PSMC3: variants seen among roughly 807,000 people sequenced by gnomAD.
The protein encoded by PSMC3 is 26S proteasome regulatory subunit 6A.
PSMC3 carries 11 observed loss-of-function variants against 52.0 expected under a neutral mutation model. The ratio of observed to expected loss-of-function variants is 0.21; its 90% CI spans 0.13 to 0.35. PSMC3 has a LOEUF of 0.35. Ranked by LOEUF, PSMC3 falls within the 10% of genes least tolerant of loss-of-function variation. PSMC3 has a pLI of 1.00. For missense variants in PSMC3, 238 were observed against 567.1 expected, an observed-to-expected ratio of 0.42 and a Z score of 5.89; for synonymous variants, 201 against 218.8, an observed-to-expected ratio of 0.92 and a Z score of 0.72.
rs187473185 is a variant in PSMC3, at chr11:47,422,396, G to A, written c.884+178C>T. ...GCAGCTGTGGGAATGAATGGCTGGG[G>A]AAACAGGGAGGCTATTGATCAGGAG... On this transcript the variant is annotated intron_variant, in intron 8 of 11. Coordinates refer to ENST00000298852, the MANE Select transcript of PSMC3 (RefSeq NM_002804.5). This position sits in a 1 kb window ranked among gnomAD's most constrained non-coding sequence, Gnocchi z 4.3. Among the ~76,000 whole-genome samples, 1 of 152,166 alleles carries A rather than the reference G, an allele frequency of 6.6e-6. No individual in the cohort carries two copies. The highest frequency in any genetic ancestry group is 2.4e-5 in the African/African-American group (1 of 41,422).
rs562940986 is a variant in PSMC3 at position 47,425,441 on chromosome 11, C to T, written c.160-195G>A. 3.7e-5 allele frequency: 24 copies of T among 645,144 alleles called. No individual in the cohort carries two copies. The East Asian group carries it at 6.3e-4, about 17-fold the overall frequency. The allele number at this position is 645,144 out of a possible 1,614,324, so 40.0% of individuals were successfully genotyped here. On this transcript the variant is annotated intron_variant, in intron 2 of 11. Transcript: ENST00000298852. ...AAAGAGGAGGCCAGTTTGGAAACCTCCTGGTGAAATAGTGGTAGTATTGGA... is the reference window on the plus strand; with the variant it reads ...AAAGAGGAGGCCAGTTTGGAAACCTTCTGGTGAAATAGTGGTAGTATTGGA...
Position 47,422,552 on chromosome 11 carries a change from G to C in PSMC3, c.884+22C>G. On this transcript the variant is annotated intron_variant, in intron 8 of 11. Coordinates refer to ENST00000298852, the MANE Select transcript of PSMC3 (RefSeq NM_002804.5). The surrounding 1 kb of genome is among the most constrained non-coding windows in gnomAD (Gnocchi z 4.3). ...CCCCTTACCGCCACAGAGATCGCTA[G>C]GGACCCTTGGCCCTCCCTTACCGCT... is the stretch of plus-strand genomic sequence containing the variant. 8 of 1,613,536 alleles carry C rather than the reference G, an allele frequency of 5.0e-6. No individual in the cohort carries two copies. The highest frequency in any genetic ancestry group is 5.1e-6 in the Non-Finnish European group (6 of 1,179,650).
At position 47,420,618 on chromosome 11, in the gene PSMC3, T is replaced by G; in HGVS notation, c.981+13A>C. 6.5e-7 allele frequency: 1 copy of G among 1,550,192 alleles called. No homozygotes were observed. The highest frequency in any genetic ancestry group is 8.7e-7 in the Non-Finnish European group (1 of 1,145,670). On this transcript the variant is annotated intron_variant, in intron 9 of 11. Transcript: ENST00000298852. ...GAGCCTCATCATCTTTGCCTGGGAG[T>G]GCTAATACTCACCTTAACTTGGGTG...
rs1442875283 is a variant in PSMC3 at position 47,418,840 on chromosome 11, C to T, written c.1315G>A (p.Ala439Thr). ...AKKKANLQYYA is the reference protein window; with the variant it reads ...AKKKANLQYYT ...CTGGGGCTGGCCTGTGTGCCCTAGG[C>T]GTAGTATTGTAGGTTGGCTTTCTTC... The change falls in exon 12 of 12, where the codon GCC (alanine) becomes ACC (threonine). Residue 439 changes from alanine (A) to threonine (T), a missense_variant. Transcript: ENST00000298852. 3 of 1,613,676 alleles carry T rather than the reference C, an allele frequency of 1.9e-6. No homozygotes were observed. Among genetic ancestry groups the T allele is most frequent in the Non-Finnish European group, 2.5e-6 (3 of 1,179,618 alleles).
At chr11:47,419,766 G>A (rs556879657) in intron 10 of PSMC3, among the ~76,000 whole-genome samples, 2 of 152,040 alleles carry the variant, frequency 1.3e-5, no homozygotes, top group African/African-American at 4.8e-5. Context: ...GGCTGAGGCA[G>A]GAGAATGGCG....
chr11:47,419,837 C>G (rs532156517), intron 10 of PSMC3, among the ~76,000 whole-genome samples: 1 of 148,398 alleles, frequency 6.7e-6, no homozygotes, highest in Non-Finnish European at 1.5e-5. Flanking sequence ...CCAGCCTGGG[C>G]GACAGAGCGA....
At chr11:47,419,028 C>T (rs1284719082) in intron 11 of PSMC3, 83 bp from the exon 12 acceptor site, 2 of 1,606,022 alleles carry the variant, frequency 1.2e-6, no homozygotes, top group East Asian at 4.5e-5. Context: ...CTTCCCTCAG[C>T]CGTCTCCACC....
chr11:47,423,175 G>A (rs1001185284), intron 6 of PSMC3, among the ~76,000 whole-genome samples: 2 of 152,054 alleles, frequency 1.3e-5, no homozygotes, highest in South Asian at 4.1e-4. Flanking sequence ...TGAGGCGGGC[G>A]GATCACAAGG....
At chr11:47,425,019 T>C (rs2096044807) in intron 3 of PSMC3, 102 bp downstream of exon 3, 3 of 1,519,422 alleles carry the variant, frequency 2.0e-6, no homozygotes, top group Non-Finnish European at 2.7e-6. Context: ...TGACATGCAG[T>C]TTGGCCTCAA....
At position 47,424,081 on chromosome 11, in the gene PSMC3, T is replaced by A; in HGVS notation, c.556A>T (p.Ser186Cys). ...TGCTTGTCCAAACCCCCAATGTCAC[T>A]GTATTGCTCCGTGGGCCTCTCGTCT... ...EVDERPTEQY[S>C]DIGGLDKQIQ... is the part of the protein sequence containing the mutation. The change falls in exon 6 of 12, where the codon AGT becomes TGT. Residue 186 changes from serine to cysteine, a missense_variant. Transcript: ENST00000298852. The surrounding 1 kb of genome is among the most constrained non-coding windows in gnomAD (Gnocchi z 4.8). The A allele has an allele frequency of 6.2e-6, 10 of 1,614,182 alleles. No homozygotes were observed. The highest frequency in any genetic ancestry group is 8.5e-6 in the Non-Finnish European group (10 of 1,180,046).
chr11:47,422,413 G>C lies in PSMC3; in HGVS notation c.884+161C>G, dbSNP rs190281928. 1.9e-3 allele frequency among the ~76,000 whole-genome samples: 285 copies of C among 152,240 alleles called. 1 individual carries two copies. Among genetic ancestry groups the C allele is most frequent in the Non-Finnish European group, 3.4e-3 (229 of 67,996 alleles). ...TGGCTGGGGAAACAGGGAGGCTATT[G>C]ATCAGGAGTTAGGAATTGGAATCTC... On this transcript the variant is annotated intron_variant, in intron 8 of 11. Coordinates refer to ENST00000298852, the MANE Select transcript of PSMC3 (RefSeq NM_002804.5). The surrounding 1 kb of genome is among the most constrained non-coding windows in gnomAD (Gnocchi z 4.3).
At position 47,426,222 on chromosome 11, in the gene PSMC3, C is replaced by A; in HGVS notation, c.58G>T (p.Val20Leu). The part of the protein sequence containing the change: ...PVTRQEKMAT[V>L]WDEAEQDGIG... ...GTGCCCACCTCGGCCTCATCCCACA[C>A]GGTCGCCATCTTCTCCTGCCGAGTC... Residue 20 changes from valine (V) to leucine (L), a missense_variant, in exon 1 of 12, where the codon GTG becomes TTG. Val to Leu is a conservative substitution (Grantham distance 32, BLOSUM62 1). Around this residue, in one of 6 missense-constraint regions of PSMC3, gnomAD observed 48 missense variants for 63.4 expected, o/e 0.76. Coordinates refer to ENST00000298852, the MANE Select transcript of PSMC3 (RefSeq NM_002804.5). The A allele has an allele frequency of 6.4e-7, 1 of 1,560,352 alleles. No individual in the cohort carries two copies. The highest frequency in any genetic ancestry group is 8.7e-7 in the Non-Finnish European group (1 of 1,152,986).
chr11:47,426,313 C>A lies in PSMC3; in HGVS notation c.-34G>T. 2 of 1,521,546 alleles carry A rather than the reference C, an allele frequency of 1.3e-6. No individual in the cohort carries two copies. The highest frequency in any genetic ancestry group is 1.4e-5 in the African/African-American group (1 of 72,322). 94.3% of individuals were successfully genotyped at this position (1,521,546 alleles called of 1,614,324 possible). A position where few individuals can be genotyped will look rare whatever the true frequency, so the allele number is the denominator to read the frequency against. Reference sequence around the variant, plus strand: ...GGAGCGGGCAGAAGATGGGACCAGGCGGGAGCCGCAACGGGAGATTAATAC... The same window carrying A: ...GGAGCGGGCAGAAGATGGGACCAGGAGGGAGCCGCAACGGGAGATTAATAC... On this transcript the variant is annotated 5_prime_UTR_variant, in exon 1 of 12. Coordinates refer to ENST00000298852, the MANE Select transcript of PSMC3 (RefSeq NM_002804.5).
Position 47,425,881 on chromosome 11 carries a change from C to T in PSMC3, c.145G>A (p.Asp49Asn), listed in dbSNP as rs1222074899. 6.2e-7 allele frequency: 1 copy of T among 1,614,054 alleles called. No homozygotes were observed. Among genetic ancestry groups the T allele is most frequent in the South Asian group, 1.1e-5 (1 of 91,080 alleles). ...EEIIQRTRLLDSEIKIMKSEV... is the reference protein window; with the variant it reads ...EEIIQRTRLLNSEIKIMKSEV... ...TGTGCGCCCACCTTGATCTCACTGT[C>T]CAGCAGCCGTGTGCGCTGGATGATC... Residue 49 changes from aspartate to asparagine, a missense_variant, in exon 2 of 12, where the codon GAC becomes AAC. Physicochemically the swap from Asp to Asn is conservative, Grantham distance 23. This residue lies in a region of PSMC3 where 48 missense variants were observed against 63.4 expected (regional missense o/e 0.76). Coordinates refer to ENST00000298852, the MANE Select transcript of PSMC3 (RefSeq NM_002804.5).
Position 47,422,048 on chromosome 11 carries a change from CTTT to C in PSMC3, c.884+523_884+525del, listed in dbSNP as rs1198419192. On this transcript the variant is annotated intron_variant, in intron 8 of 11. Coordinates refer to ENST00000298852, the MANE Select transcript of PSMC3 (RefSeq NM_002804.5). The surrounding 1 kb of genome is among the most constrained non-coding windows in gnomAD (Gnocchi z 4.3). Reference sequence around the variant, plus strand: ...GCTTTGGCTTTTTTTGTTTTGTTTTCTTTTTTTTTTTTTGAGACAGAGTCTCAC... The same window carrying C: ...GCTTTGGCTTTTTTTGTTTTGTTTTCTTTTTTTTTTGAGACAGAGTCTCAC... Among the ~76,000 whole-genome samples, 1 of 141,474 alleles carries C rather than the reference CTTT, an allele frequency of 7.1e-6. No homozygotes were observed. The highest frequency in any genetic ancestry group is 1.5e-5 in the Non-Finnish European group (1 of 64,552). 92.8% of individuals were successfully genotyped at this position (141,474 alleles called of 152,430 possible).
At chr11:47,420,916 G>A (rs2096039714) in intron 8 of PSMC3, among the ~76,000 whole-genome samples, 189 bp from the exon 9 acceptor site, 1 of 152,178 alleles carries the variant, frequency 6.6e-6, no homozygotes, top group Non-Finnish European at 1.5e-5. Context: ...AGAGACTGAA[G>A]AGACTCCTAG....
In PSMC3 at chr11:47,424,313, A is replaced by C; in HGVS notation, c.453+116T>G. ...CAAGAATCAAACAGCAAGTAGACAG[A>C]ATCCCAGACTCTCGGAGCTGTTCTG... is the stretch of plus-strand genomic sequence containing the variant. On this transcript the variant is annotated intron_variant, in intron 5 of 11. Coordinates refer to ENST00000298852, the MANE Select transcript of PSMC3 (RefSeq NM_002804.5). The surrounding 1 kb of genome is among the most constrained non-coding windows in gnomAD (Gnocchi z 4.8). 1 of 1,555,918 alleles carries C rather than the reference A, an allele frequency of 6.4e-7. No homozygotes were observed. The highest frequency in any genetic ancestry group is 8.9e-7 in the Non-Finnish European group (1 of 1,128,440).
rs1282120274 is a variant in PSMC3 at position 47,422,339 on chromosome 11, G to A, written c.884+235C>T. Among the ~76,000 whole-genome samples the A allele has an allele frequency of 1.3e-5, 2 of 152,194 alleles. No individual in the cohort carries two copies. Among genetic ancestry groups the A allele is most frequent in the East Asian group, 3.8e-4 (2 of 5,200 alleles). ...TTACAGGCGTGAGCCACCGTGCCCGGCCCAGATTCCTGTTTTGAAAGGAAC... is the reference window on the plus strand; with the variant it reads ...TTACAGGCGTGAGCCACCGTGCCCGACCCAGATTCCTGTTTTGAAAGGAAC... On this transcript the variant is annotated intron_variant, in intron 8 of 11. Transcript: ENST00000298852. The surrounding 1 kb of genome is among the most constrained non-coding windows in gnomAD (Gnocchi z 4.3).
chr11:47,424,912 G>A lies in PSMC3; in HGVS notation c.286-201C>T, dbSNP rs189165487. Among the ~76,000 whole-genome samples the A allele has an allele frequency of 5.3e-5, 8 of 152,212 alleles. No individual in the cohort carries two copies. Among genetic ancestry groups the A allele is most frequent in the South Asian group, 2.1e-4 (1 of 4,824 alleles). On this transcript the variant is annotated intron_variant, in intron 3 of 11. Transcript: ENST00000298852. The surrounding 1 kb of genome is among the most constrained non-coding windows in gnomAD (Gnocchi z 4.8). The stretch of plus-strand genomic sequence containing the variant: ...CCTCTGCACAGGGCTCATCTACCCC[G>A]GAGGAGACATAACCAACAGAAAAGG...
Sources: allele counts gnomAD v4.1 joint callset (sites outside exome capture counted in the v4.1 genomes callset), GRCh38; gene constraint gnomAD v4.1.1; regional missense constraint gnomAD v4.1.1; non-coding constraint Gnocchi (gnomAD v3.1); transcripts MANE v1.5; gene names NCBI Gene and HGNC (gene_info 2026-07-23, HGNC 2026-07-21).